Variants in TAFA1 observed in about 807,000 individuals in gnomAD.
TAFA1 encodes chemokine-like protein TAFA-1.
TAFA1 carries 4 observed loss-of-function variants against 18.5 expected under a neutral mutation model. The ratio of observed to expected loss-of-function variants is 0.22; its 90% CI spans 0.11 to 0.49. The LOEUF is 0.49. Among genes scored for constraint, TAFA1 ranks in the 20% least tolerant of loss-of-function variants. The pLI is 0.98. For synonymous variants in TAFA1, 56 were observed against 55.2 expected, an observed-to-expected ratio of 1.01 and a Z score of -0.06; for missense variants, 147 against 169.0, an observed-to-expected ratio of 0.87 and a Z score of 0.72.
intron 2 of TAFA1, among the ~76,000 whole-genome samples, chr3:68,172,671 A>T (rs1454238837): frequency 1.3e-5 from 2 of 152,184 alleles, no homozygotes; most frequent in Non-Finnish European, 2.9e-5. Flanking sequence ...TATACAAGAG[A>T]ATATTACTCA....
At chr3:68,126,020 A>G (rs1270955859) in intron 2 of TAFA1, among the ~76,000 whole-genome samples, 1 of 152,142 alleles carries the variant, frequency 6.6e-6, no homozygotes. Flanking sequence ...CCTTCAAAAC[A>G]CATCCATTAA....
intron 2 of TAFA1, among the ~76,000 whole-genome samples, chr3:68,217,202 C>T (rs1575685997): frequency 6.6e-6 from 1 of 151,952 alleles, no homozygotes; most frequent in African/African-American, 2.4e-5. Flanking sequence ...TTATTAATTA[C>T]TTTTAATGGC....
intron 2 of TAFA1, among the ~76,000 whole-genome samples, chr3:68,394,579 C>A (rs1218177122): frequency 1.3e-5 from 2 of 152,130 alleles, no homozygotes; most frequent in Non-Finnish European, 2.9e-5. Context: ...GTAACCAAAA[C>A]AGCATGGTAC....
intron 2 of TAFA1, among the ~76,000 whole-genome samples, chr3:68,341,410 T>C (rs924359381): frequency 6.6e-6 from 1 of 152,128 alleles, no homozygotes; most frequent in Non-Finnish European, 1.5e-5. Flanking sequence ...CTGCAAAATA[T>C]CTCAAACACT....
intron 3 of TAFA1, among the ~76,000 whole-genome samples, chr3:68,431,677 A>T (rs535718868): frequency 6.6e-6 from 1 of 152,118 alleles, no homozygotes; most frequent in African/African-American, 2.4e-5. Context: ...ATATAGAAAC[A>T]CTGTGACTTG....
chr3:68,525,514 C>T (rs2073098716), intron 3 of TAFA1, among the ~76,000 whole-genome samples: 1 of 152,094 alleles, frequency 6.6e-6, no homozygotes, highest in African/African-American at 2.4e-5. Context: ...CAAAAATAAC[C>T]ATGCTAGTTG....
chr3:68,045,911 G>A (rs1705258499), intron 2 of TAFA1, among the ~76,000 whole-genome samples: 1 of 152,306 alleles, frequency 6.6e-6, no homozygotes, highest in Admixed American at 6.5e-5. Flanking sequence ...ACTATGAGCT[G>A]TAAATAATCT....
At chr3:68,037,392 T>C (rs1264666364) in intron 2 of TAFA1, among the ~76,000 whole-genome samples, 1 of 152,190 alleles carries the variant, frequency 6.6e-6, no homozygotes, top group Admixed American at 6.5e-5. Context: ...TAATGAAGCA[T>C]CCACAAACCA....
intron 2 of TAFA1, among the ~76,000 whole-genome samples, chr3:68,276,874 A>G (rs1174204547): frequency 6.6e-6 from 1 of 152,178 alleles, no homozygotes; most frequent in Non-Finnish European, 1.5e-5. Flanking sequence ...CACTTCATCA[A>G]GCTGTACCAT....
At chr3:68,382,558 A>G (rs1255004000) in intron 2 of TAFA1, among the ~76,000 whole-genome samples, 3 of 151,972 alleles carry the variant, frequency 2.0e-5, no homozygotes, top group Non-Finnish European at 4.4e-5. Flanking sequence ...TGGGTTCTCT[A>G]TTCTGTTCCA....
intron 2 of TAFA1, among the ~76,000 whole-genome samples, chr3:68,179,102 A>G (rs183591440): frequency 4.6e-5 from 7 of 152,346 alleles, no homozygotes; most frequent in Admixed American, 2.0e-4. Flanking sequence ...GAACCACTCA[A>G]GACTACATAA....
intron 3 of TAFA1, among the ~76,000 whole-genome samples, chr3:68,507,094 G>A (rs573492546): frequency 3.7e-4 from 56 of 152,120 alleles, no homozygotes; most frequent in African/African-American, 1.3e-3. Context: ...TCTCTTGCTC[G>A]TGAAATCTAG....
At chr3:68,129,484 T>C (rs1177431127) in intron 2 of TAFA1, among the ~76,000 whole-genome samples, 3 of 152,204 alleles carry the variant, frequency 2.0e-5, no homozygotes, top group Non-Finnish European at 4.4e-5. Context: ...CACAGGTTTC[T>C]TGTGTAGGTT....
rs1337364929 is a variant in TAFA1, at chr3:68,366,658, C to T, written c.119-50622C>T. On this transcript the variant is annotated intron_variant, in intron 2 of 4. Coordinates refer to ENST00000478136, the MANE Select transcript of TAFA1 (RefSeq NM_213609.4). The stretch of plus-strand genomic sequence containing the variant: ...ACAGAGGTTTCAAGACCAGACAGTT[C>T]AAATCCAGCTTTGGACTCGGGACAG... 3.9e-5 allele frequency among the ~76,000 whole-genome samples: 6 copies of T among 152,300 alleles called. No individual in the cohort carries two copies. The South Asian group carries it at 6.2e-4, about 16-fold the overall frequency.
chr3:68,078,943 T>A (rs988505753), intron 2 of TAFA1, among the ~76,000 whole-genome samples: 2 of 152,150 alleles, frequency 1.3e-5, no homozygotes, highest in Non-Finnish European at 2.9e-5. Context: ...TCTGGTCCTG[T>A]ACTCTTTTTG....
rs181825016 is a variant in TAFA1, at chr3:68,334,841, T to C, written c.119-82439T>C. 1.6e-3 allele frequency among the ~76,000 whole-genome samples: 237 copies of C among 152,158 alleles called. 3 individuals carry two copies. In the South Asian group the frequency reaches 0.026, roughly 17 times the overall value. On this transcript the variant is annotated intron_variant, in intron 2 of 4. Coordinates refer to ENST00000478136, the MANE Select transcript of TAFA1 (RefSeq NM_213609.4). ...GCTGTTTGTTGTATCTTCTGAGGGA[T>C]AGGAAGAGAGAGGGTTGGAAAACAG...
chr3:68,304,000 T>G (rs537089516), intron 2 of TAFA1, among the ~76,000 whole-genome samples: 39 of 152,302 alleles, frequency 2.6e-4, no homozygotes, highest in African/African-American at 9.1e-4. Flanking sequence ...GACATTACAT[T>G]AGTGGAAATT....
intron 2 of TAFA1, among the ~76,000 whole-genome samples, chr3:68,396,671 A>T (rs911464662): frequency 2.0e-5 from 3 of 152,146 alleles, no homozygotes; most frequent in Non-Finnish European, 4.4e-5. Context: ...TGCCATAGAC[A>T]TTTCTGCATA....
At chr3:68,544,422 A>T in intron 4 of TAFA1, 64 bp from the exon 5 acceptor site, 1 of 1,533,166 alleles carries the variant, frequency 6.5e-7, no homozygotes, top group Non-Finnish European at 9.0e-7. Context: ...CTACATAATC[A>T]CATTTCTTTG....
Sources: allele counts gnomAD v4.1 joint callset (sites outside exome capture counted in the v4.1 genomes callset), GRCh38; gene constraint gnomAD v4.1.1; transcripts MANE v1.5; gene names NCBI Gene and HGNC (gene_info 2026-07-23, HGNC 2026-07-21).